Variants in THSD7A observed in about 807,000 individuals in gnomAD.
THSD7A encodes thrombospondin type-1 domain-containing protein 7A.
THSD7A carries 96 observed loss-of-function variants against 231.3 expected under a neutral mutation model. That is an observed-to-expected ratio of 0.41 (90% CI 0.35 to 0.49). THSD7A has a LOEUF of 0.49. Among genes scored for constraint, THSD7A ranks in the 20% least tolerant of loss-of-function variants. The pLI, the probability that THSD7A is intolerant of heterozygous loss-of-function variation, is 0.05. For missense variants in THSD7A, 2,290 were observed against 2,070.2 expected (o/e 1.11, Z -2.06); for synonymous variants, 940 against 743.3 (o/e 1.26, Z -4.30).
chr7:11,594,098 A>G (rs1780271116), intron 2 of THSD7A, among the ~76,000 whole-genome samples: 1 of 152,140 alleles, frequency 6.6e-6, no homozygotes, highest in Admixed American at 6.5e-5. Flanking sequence ...GAAAAACATG[A>G]AAAGAGTAGA....
intron 4 of THSD7A, among the ~76,000 whole-genome samples, chr7:11,587,013 T>C (rs994455597): frequency 6.6e-6 from 1 of 152,188 alleles, no homozygotes; most frequent in Non-Finnish European, 1.5e-5. Context: ...ACTGTAAACT[T>C]AATGTTGTCT....
At chr7:11,683,350 A>T (rs1448430603) in intron 1 of THSD7A, among the ~76,000 whole-genome samples, 1 of 151,940 alleles carries the variant, frequency 6.6e-6, no homozygotes, top group Non-Finnish European at 1.5e-5. Context: ...CTAAACCCAA[A>T]GCTAGCAGAA....
intron 1 of THSD7A, among the ~76,000 whole-genome samples, chr7:11,657,071 G>A (rs4720999): frequency 0.55 from 83,373 of 151,000 alleles, 23,166 homozygotes; most frequent in Admixed American, 0.62. Flanking sequence ...GACATATGAT[G>A]TATGCCTTAG....
Position 11,472,885 on chromosome 7 carries a change from C to T in THSD7A, c.2252+1449G>A, listed in dbSNP as rs142899335. 2.6e-4 allele frequency among the ~76,000 whole-genome samples: 40 copies of T among 152,212 alleles called. 1 individual carries two copies. In the East Asian group the frequency reaches 6.8e-3, roughly 26 times the overall value. On this transcript the variant is annotated intron_variant, in intron 8 of 27. Transcript: ENST00000423059. Reference sequence around the variant, plus strand: ...CCACAACAGGTTGGTCCTGTGCCTGCGTAGTGAATATTTCTACCTTTGTTC... The same window carrying T: ...CCACAACAGGTTGGTCCTGTGCCTGTGTAGTGAATATTTCTACCTTTGTTC...
intron 4 of THSD7A, among the ~76,000 whole-genome samples, chr7:11,572,618 C>T (rs183700023): frequency 6.6e-6 from 1 of 152,110 alleles, no homozygotes; most frequent in Non-Finnish European, 1.5e-5. Flanking sequence ...AGTGATCCTC[C>T]CACCTCAGCC....
At chr7:11,469,458 C>G (rs1424955474) in intron 9 of THSD7A, among the ~76,000 whole-genome samples, 1 of 152,034 alleles carries the variant, frequency 6.6e-6, no homozygotes, top group Non-Finnish European at 1.5e-5. Context: ...TATTCCTATT[C>G]TTGGGGCTGC....
At chr7:11,747,980 A>G (rs1782366587) in intron 1 of THSD7A, among the ~76,000 whole-genome samples, 2 of 151,948 alleles carry the variant, frequency 1.3e-5, no homozygotes, top group South Asian at 4.1e-4. Context: ...AAGGCAGGAG[A>G]AGAGAGCAGT....
At position 11,753,357 on chromosome 7, in the gene THSD7A, A is replaced by G. The variant is rs556924468; in HGVS notation, c.190+78400T>C. On this transcript the variant is annotated intron_variant, in intron 1 of 27. Transcript: ENST00000423059. ...AGTCAAATTGTAATAACTCGCTGGT[A>G]TGCATTATTGCAATGTCTACTTGTA... 7.9e-5 allele frequency among the ~76,000 whole-genome samples: 12 copies of G among 152,220 alleles called. No homozygotes were observed. The South Asian group carries it at 2.5e-3, about 32-fold the overall frequency.
intron 2 of THSD7A, among the ~76,000 whole-genome samples, chr7:11,631,938 C>G (rs769846402): frequency 4.6e-5 from 7 of 152,108 alleles, no homozygotes; most frequent in Admixed American, 3.9e-4. Context: ...AGACTTCTAT[C>G]CTTAAAAAGG....
chr7:11,621,548 A>G (rs183475368), intron 2 of THSD7A, among the ~76,000 whole-genome samples: 136 of 152,100 alleles, frequency 8.9e-4, no homozygotes, highest in African/African-American at 3.2e-3. Flanking sequence ...TTTTTATTAT[A>G]TAGAAAACCT....
intron 2 of THSD7A, among the ~76,000 whole-genome samples, chr7:11,601,174 T>C (rs1221290126): frequency 6.6e-6 from 1 of 152,178 alleles, no homozygotes; most frequent in Admixed American, 6.6e-5. Context: ...TTCCTAATAT[T>C]TTTTTCGTAT....
In THSD7A at chr7:11,723,000, T is replaced by A. The variant is rs538603611; in HGVS notation, c.191-86039A>T. On this transcript the variant is annotated intron_variant, in intron 1 of 27. Transcript: ENST00000423059. ...GGGTATATACCCAAAGGATTATAAA[T>A]CATGCTGCTATAAAGACACATGCAC... Among the ~76,000 whole-genome samples the A allele has an allele frequency of 6.0e-3, 905 of 152,036 alleles. 5 individuals carry two copies. The highest frequency in any genetic ancestry group is 9.1e-3 in the Admixed American group (139 of 15,248).
At chr7:11,515,165 C>T (rs1033391072) in intron 6 of THSD7A, among the ~76,000 whole-genome samples, 20 of 152,146 alleles carry the variant, frequency 1.3e-4, no homozygotes, top group Admixed American at 1.3e-3. Context: ...AAAATGGAAA[C>T]ATTTCACTAT....
chr7:11,674,276 G>A (rs1783543656), intron 1 of THSD7A, among the ~76,000 whole-genome samples: 1 of 152,118 alleles, frequency 6.6e-6, no homozygotes, highest in Admixed American at 6.6e-5. Context: ...CCTACCCAGT[G>A]CAATGTCATG....
intron 1 of THSD7A, among the ~76,000 whole-genome samples, chr7:11,693,289 T>TA: frequency 6.6e-6 from 1 of 151,700 alleles, no homozygotes; most frequent in South Asian, 2.1e-4. Context: ...GTGAATATTA[T>TA]AATCTAGTAA....
chr7:11,545,092 C>T, intron 4 of THSD7A, among the ~76,000 whole-genome samples: 1 of 152,104 alleles, frequency 6.6e-6, no homozygotes, highest in East Asian at 1.9e-4. Context: ...AAAATGGATT[C>T]TTTTAAAGAC....
chr7:11,460,362 A>G (rs943887498), intron 11 of THSD7A, among the ~76,000 whole-genome samples: 1 of 152,126 alleles, frequency 6.6e-6, no homozygotes, highest in African/African-American at 2.4e-5. Context: ...AAACAAACAA[A>G]CAAACAAACA....
chr7:11,506,822 T>A (rs193089285), intron 6 of THSD7A, among the ~76,000 whole-genome samples: 79 of 152,342 alleles, frequency 5.2e-4, no homozygotes, highest in Non-Finnish European at 1.1e-3. Context: ...TTAACTTCTA[T>A]CTTCCTAGAG....
chr7:11,456,710 C>T (rs896504424), intron 11 of THSD7A, among the ~76,000 whole-genome samples: 6 of 151,882 alleles, frequency 4.0e-5, no homozygotes, highest in Non-Finnish European at 7.4e-5. Context: ...CTCAATTGTG[C>T]CTTGTATCAT....
Sources: gnomAD v4.1 joint callset for allele counts (sites outside exome capture counted in the v4.1 genomes callset) on GRCh38, gnomAD v4.1.1 for gene constraint, MANE v1.5 for transcripts, NCBI Gene and HGNC (gene_info 2026-07-23, HGNC 2026-07-21) for gene names.